Variants in EBLN1 observed in about 807,000 individuals in gnomAD.
EBLN1 encodes endogenous Bornavirus-like nucleoprotein 1.
Under a neutral mutation model 0.8 loss-of-function variants are expected in EBLN1, and 1 was observed. The ratio of observed to expected loss-of-function variants is 1.32; its 90% confidence interval spans 0.47 to 6.26. The LOEUF is 6.26. Among genes scored for constraint, EBLN1 ranks in the 30% most tolerant of loss-of-function variants. The pLI is 0.15. For missense variants in EBLN1, 396 were observed against 447.9 expected (o/e 0.88, Z 1.05); for synonymous variants, 158 against 158.5 (o/e 1.00, Z 0.02).
At chr10:22,213,846 T>C (rs117823037) in intron 1 of EBLN1, among the ~76,000 whole-genome samples, 1 of 152,122 alleles carries the variant, frequency 6.6e-6, no homozygotes, top group Non-Finnish European at 1.5e-5. Context: ...TGGAAAAAAA[T>C]GAGAGTCACT....
At chr10:22,217,185 G>A (rs1028821208) in intron 1 of EBLN1, among the ~76,000 whole-genome samples, 8 of 152,166 alleles carry the variant, frequency 5.3e-5, no homozygotes, top group Non-Finnish European at 1.0e-4. Context: ...CAGTGCAGTG[G>A]TGCAATCTTG....
chr10:22,209,904 T>C lies in EBLN1; in HGVS notation c.80A>G (p.Gln27Arg), dbSNP rs1834734612. ...CTTCCCAGAGAGCTCAAATCTCCCT[T>C]GAAAGTAATGGAAGCTGCTCCCATC... is the stretch of plus-strand genomic sequence containing the variant. ...TKDGSSFHYF[Q>R]GRFELSGKSR... The change falls in exon 3 of 3, where the codon CAA becomes CGA. Residue 27 changes from glutamine to arginine, a missense_variant. Transcript: ENST00000422359. The C allele has an allele frequency of 1.3e-6, 2 of 1,484,192 alleles. No homozygotes were observed. Among genetic ancestry groups the C allele is most frequent in the Non-Finnish European group, 1.8e-6 (2 of 1,124,938 alleles). 91.9% of individuals were successfully genotyped at this position (1,484,192 alleles called of 1,614,324 possible). A position where few individuals can be genotyped will look rare whatever the true frequency, so the allele number is the denominator to read the frequency against.
At position 22,208,875 on chromosome 10, in the gene EBLN1, C is replaced by T. The variant is rs998726138; in HGVS notation, c.*8G>A. 1.5e-5 allele frequency: 22 copies of T among 1,515,240 alleles called. No individual in the cohort carries two copies. The Admixed American group carries it at 2.1e-4, about 15-fold the overall frequency. The allele number at this position is 1,515,240 out of a possible 1,614,324, so 93.9% of individuals were successfully genotyped here. On this transcript the variant is annotated 3_prime_UTR_variant, in exon 3 of 3. Coordinates refer to ENST00000422359, the MANE Select transcript of EBLN1 (RefSeq NM_001394757.1). ...ATATGTATATATAAGGATTAGTTCA[C>T]GTATTTGTTATTCAAATCCCGAAAT... is the stretch of plus-strand genomic sequence containing the variant.
At chr10:22,217,873 G>A (rs745955073) in intron 1 of EBLN1, among the ~76,000 whole-genome samples, 43 bp downstream of exon 1, 8 of 152,164 alleles carry the variant, frequency 5.3e-5, no homozygotes, top group Admixed American at 5.2e-4. Flanking sequence ...TATACTACCC[G>A]AGACTGAGTA....
chr10:22,216,308 A>T (rs1834791988), intron 1 of EBLN1, among the ~76,000 whole-genome samples: 2 of 152,152 alleles, frequency 1.3e-5, no homozygotes, highest in African/African-American at 2.4e-5. Context: ...CATACCCCTC[A>T]ATCCATATAT....
chr10:22,209,707 G>C lies in EBLN1; in HGVS notation c.277C>G (p.Leu93Val). The stretch of plus-strand genomic sequence containing the variant: ...CTTTTGCTCACACCGACACTGAGTA[G>C]TGCCTTGTGTAATCCATCGAATATA... Reference protein sequence around the residue: ...CFIFDGLHKALLSVGVSKRSN... With the variant: ...CFIFDGLHKAVLSVGVSKRSN... Residue 93 changes from leucine (L) to valine (V), a missense_variant, in exon 3 of 3, where the codon CTA (leucine) becomes GTA (valine). By Grantham distance (32) the Leu-to-Val change is conservative. Transcript: ENST00000422359. 1.3e-6 allele frequency: 2 copies of C among 1,535,910 alleles called. No individual in the cohort carries two copies. The highest frequency in any genetic ancestry group is 1.7e-6 in the Non-Finnish European group (2 of 1,146,938).
intron 1 of EBLN1, among the ~76,000 whole-genome samples, chr10:22,214,443 G>A (rs750374019): frequency 3.4e-4 from 51 of 151,744 alleles, no homozygotes; most frequent in Non-Finnish European, 6.8e-4. Context: ...GGGACTACAG[G>A]CATGCATCAC....
rs993646181 is a variant in EBLN1 at position 22,212,837 on chromosome 10, C to T, written c.-45+5G>A. On this transcript the variant is annotated splice_donor_5th_base_variant and intron_variant, in intron 2 of 2. Coordinates refer to ENST00000422359, the MANE Select transcript of EBLN1 (RefSeq NM_001394757.1). ...TTTAAATTAGCTGGGCATGGTGGCACGTACCTGCAGTCCTAGCTACTTTGG... is the reference window on the plus strand; with the variant it reads ...TTTAAATTAGCTGGGCATGGTGGCATGTACCTGCAGTCCTAGCTACTTTGG... Among the ~76,000 whole-genome samples, 5 of 149,494 alleles carry T rather than the reference C, an allele frequency of 3.3e-5. No homozygotes were observed. Among genetic ancestry groups the T allele is most frequent in the South Asian group, 2.1e-4 (1 of 4,716 alleles).
chr10:22,211,706 TG>T (rs1238279972), intron 2 of EBLN1, among the ~76,000 whole-genome samples: 2 of 152,084 alleles, frequency 1.3e-5, no homozygotes, highest in Non-Finnish European at 2.9e-5. Context: ...TTGCCCAGGA[TG>T]GTCTCGAACT....
At chr10:22,217,486 C>T (rs1251400778) in intron 1 of EBLN1, among the ~76,000 whole-genome samples, 2 of 152,208 alleles carry the variant, frequency 1.3e-5, no homozygotes, top group Non-Finnish European at 2.9e-5. Context: ...AAAACATATC[C>T]TCTGCTTTTT....
At chr10:22,210,941 AT>A (rs1460252602) in intron 2 of EBLN1, among the ~76,000 whole-genome samples, 1 of 152,218 alleles carries the variant, frequency 6.6e-6, no homozygotes. Flanking sequence ...TTGAATTTTA[AT>A]TAAGTCTCAC....
At chr10:22,210,392 A>G (rs1206011337) in intron 2 of EBLN1, among the ~76,000 whole-genome samples, 1 of 152,212 alleles carries the variant, frequency 6.6e-6, no homozygotes, top group African/African-American at 2.4e-5. Flanking sequence ...AGTAATGCCA[A>G]TAAAACCCCC....
intron 2 of EBLN1, among the ~76,000 whole-genome samples, chr10:22,210,412 C>A (rs1396474053): frequency 1.3e-5 from 2 of 152,072 alleles, no homozygotes; most frequent in East Asian, 1.9e-4. Context: ...CTATAATGAA[C>A]AAAACAAAAC....
intron 1 of EBLN1, among the ~76,000 whole-genome samples, chr10:22,214,439 A>G (rs1223670403): frequency 2.0e-5 from 3 of 151,930 alleles, no homozygotes; most frequent in African/African-American, 7.3e-5. Flanking sequence ...AGCTGGGACT[A>G]CAGGCATGCA....
In EBLN1 at chr10:22,209,393, G is replaced by A. The variant is rs1370001225; in HGVS notation, c.591C>T (p.Asn197=). Residue 197 remains asparagine (N), a synonymous_variant, in exon 3 of 3, where the codon AAC becomes AAT. Coordinates refer to ENST00000422359, the MANE Select transcript of EBLN1 (RefSeq NM_001394757.1). The stretch of plus-strand genomic sequence containing the variant: ...TTAATCCTCCAACCCATGGTCTTGA[G>A]TTGATCCAATCTATAGCTGGCCCTG... ...YNAGPAIDWI[N]SRPWVGGLMF... is the part of the protein sequence containing the mutation. 2 of 1,604,994 alleles carry A rather than the reference G, an allele frequency of 1.2e-6. No homozygotes were observed. The highest frequency in any genetic ancestry group is 1.7e-5 in the Admixed American group (1 of 60,020).
intron 2 of EBLN1, among the ~76,000 whole-genome samples, chr10:22,211,211 G>C (rs1332613724): frequency 6.6e-6 from 1 of 151,958 alleles, no homozygotes; most frequent in Admixed American, 6.6e-5. Context: ...CCAAATATAG[G>C]CTTTTGATTT....
At chr10:22,213,824 C>T (rs1419501065) in intron 1 of EBLN1, among the ~76,000 whole-genome samples, 1 of 152,008 alleles carries the variant, frequency 6.6e-6, no homozygotes, top group Non-Finnish European at 1.5e-5. Flanking sequence ...TTGGAAAAAC[C>T]TGGAAAACAT....
At chr10:22,214,819 C>T (rs1467555609) in intron 1 of EBLN1, among the ~76,000 whole-genome samples, 1 of 152,208 alleles carries the variant, frequency 6.6e-6, no homozygotes, top group African/African-American at 2.4e-5. Context: ...AATATGTGTC[C>T]ACCCCAAAAC....
Position 22,209,668 on chromosome 10 carries a change from T to A in EBLN1, c.316A>T (p.Ile106Phe). 1.3e-6 allele frequency: 2 copies of A among 1,535,846 alleles called. No homozygotes were observed. The highest frequency in any genetic ancestry group is 1.7e-6 in the Non-Finnish European group (2 of 1,146,908). ...VGVSKRSNIV[I>F]GNENKETGTL... Reference sequence around the variant, plus strand: ...CCTGTTTCCTTGTTCTCATTCCCAATCACAATATTAGACCTTTTGCTCACA... The same window carrying A: ...CCTGTTTCCTTGTTCTCATTCCCAAACACAATATTAGACCTTTTGCTCACA... The change falls in exon 3 of 3, where the codon ATT becomes TTT. Residue 106 changes from isoleucine to phenylalanine, a missense_variant. Transcript: ENST00000422359.
Sources: allele counts gnomAD v4.1 joint callset (sites outside exome capture counted in the v4.1 genomes callset), GRCh38; gene constraint gnomAD v4.1.1; transcripts MANE v1.5; gene names NCBI Gene and HGNC (gene_info 2026-07-23, HGNC 2026-07-21).